ADAMTS2: variants seen among roughly 807,000 people sequenced by gnomAD.
ADAMTS2 encodes A disintegrin and metalloproteinase with thrombospondin motifs 2.
In ADAMTS2, 50 loss-of-function variants were observed where a neutral mutation model predicts 123.0. The observed-to-expected ratio is 0.41, with a 90% CI of 0.32 to 0.51. ADAMTS2 has a LOEUF of 0.51. ADAMTS2 is among the 20% of genes least tolerant of loss of function. The pLI, the probability that ADAMTS2 is intolerant of heterozygous loss-of-function variation, is 0.35. For synonymous variants in ADAMTS2, 678 were observed against 695.4 expected, an observed-to-expected ratio of 0.98 and a Z score of 0.39; for missense variants, 1,494 against 1,705.2, an observed-to-expected ratio of 0.88 and a Z score of 2.18.
At chr5:179,133,726 CTTTT>C (rs58209465) in intron 13 of ADAMTS2, among the ~76,000 whole-genome samples, 2 of 144,600 alleles carry the variant, frequency 1.4e-5, no homozygotes, top group East Asian at 4.0e-4. Context: ...TTAACCTATT[CTTTT>C]TTTTTTTTTG....
chr5:179,265,009 G>A (rs1304644740), intron 3 of ADAMTS2, among the ~76,000 whole-genome samples: 3 of 152,174 alleles, frequency 2.0e-5, no homozygotes, highest in African/African-American at 7.2e-5. Flanking sequence ...ACTGACCCCT[G>A]CACCAACAGC....
chr5:179,191,455 G>C (rs1267952581), intron 4 of ADAMTS2, among the ~76,000 whole-genome samples: 5 of 152,164 alleles, frequency 3.3e-5, no homozygotes, highest in African/African-American at 1.2e-4. Context: ...GGGTCCGTTT[G>C]AGCACCACCA....
Position 179,179,105 on chromosome 5 carries a change from C to T in ADAMTS2, c.975+1967G>A, listed in dbSNP as rs765913738. Among the ~76,000 whole-genome samples the T allele has an allele frequency of 1.3e-3, 197 of 152,098 alleles. 4 individuals carry two copies. Among genetic ancestry groups the T allele is most frequent in the Non-Finnish European group, 1.5e-3 (105 of 68,024 alleles). On this transcript the variant is annotated intron_variant, in intron 5 of 21. Coordinates refer to ENST00000251582, the MANE Select transcript of ADAMTS2 (RefSeq NM_014244.5). ...GACTACAGGCACATGCCACCACACC[C>T]GGCTAATTTTTGTATTTTTTTGGTA... is the stretch of plus-strand genomic sequence containing the variant.
At chr5:179,329,114 T>G (rs564086278) in intron 2 of ADAMTS2, among the ~76,000 whole-genome samples, 208 of 152,090 alleles carry the variant, frequency 1.4e-3, no homozygotes, top group Middle Eastern at 6.8e-3. Flanking sequence ...GATCACGAGG[T>G]CAGGAGATGG....
chr5:179,194,913 A>G (rs1171247352), intron 4 of ADAMTS2, among the ~76,000 whole-genome samples: 2 of 152,144 alleles, frequency 1.3e-5, no homozygotes, highest in African/African-American at 4.8e-5. Flanking sequence ...TAGACCACAA[A>G]TCAACCTCGC....
At chr5:179,274,173 G>T (rs1336699585) in intron 2 of ADAMTS2, among the ~76,000 whole-genome samples, 2 of 151,882 alleles carry the variant, frequency 1.3e-5, no homozygotes, top group African/African-American at 2.4e-5. Context: ...GCACCATCAG[G>T]TCCACCCATC....
Position 179,228,532 on chromosome 5 carries a change from G to A in ADAMTS2, c.689-20817C>T, listed in dbSNP as rs1765338619. Among the ~76,000 whole-genome samples, 1 of 152,240 alleles carries A rather than the reference G, an allele frequency of 6.6e-6. No individual in the cohort carries two copies. Among genetic ancestry groups the A allele is most frequent in the African/African-American group, 2.4e-5 (1 of 41,478 alleles). Reference sequence around the variant, plus strand: ...CCAGTGTGGGTGTGAAGCGGAAGGAGACTCTGCAGCAAGGCCCAGCTCTTA... The same window carrying A: ...CCAGTGTGGGTGTGAAGCGGAAGGAAACTCTGCAGCAAGGCCCAGCTCTTA... On this transcript the variant is annotated intron_variant, in intron 3 of 21. Transcript: ENST00000251582. The surrounding 1 kb of genome is among the most constrained non-coding windows in gnomAD (Gnocchi z 5.2).
chr5:179,218,320 G>C (rs756829576), intron 3 of ADAMTS2, among the ~76,000 whole-genome samples: 11 of 152,228 alleles, frequency 7.2e-5, no homozygotes, highest in Non-Finnish European at 1.5e-4. Context: ...AACCAAGAGA[G>C]AGTCGCTCTG....
rs1037645964 is a variant in ADAMTS2, at chr5:179,307,407, G to A, written c.535-34343C>T. ...ATGACACAGAAGCAGCTCTGCCCAT[G>A]AGCATTCAACAGCCCGGTCCGGGGG... is the stretch of plus-strand genomic sequence containing the variant. On this transcript the variant is annotated intron_variant, in intron 2 of 21. Coordinates refer to ENST00000251582, the MANE Select transcript of ADAMTS2 (RefSeq NM_014244.5). This position sits in a 1 kb window ranked among gnomAD's most constrained non-coding sequence, Gnocchi z 5.6. Among the ~76,000 whole-genome samples, 11 of 152,222 alleles carry A rather than the reference G, an allele frequency of 7.2e-5. No individual in the cohort carries two copies. In the South Asian group the frequency reaches 2.1e-3, roughly 29 times the overall value.
chr5:179,328,614 G>C (rs1349024258), intron 2 of ADAMTS2, among the ~76,000 whole-genome samples: 2 of 152,180 alleles, frequency 1.3e-5, no homozygotes, highest in Non-Finnish European at 2.9e-5. Context: ...TTCTCCCTGG[G>C]AATAAAGATG....
chr5:179,159,934 A>G (rs1763563176), intron 5 of ADAMTS2, among the ~76,000 whole-genome samples: 1 of 152,192 alleles, frequency 6.6e-6, no homozygotes, highest in South Asian at 2.1e-4. Context: ...CAATCCTCAC[A>G]GCAGGCATTT....
At chr5:179,294,114 G>A (rs867054486) in intron 2 of ADAMTS2, among the ~76,000 whole-genome samples, 26 of 151,954 alleles carry the variant, frequency 1.7e-4, no homozygotes, top group Admixed American at 8.5e-4. Context: ...AAATTAGCTG[G>A]GTGTGGTGGT....
At position 179,319,950 on chromosome 5, in the gene ADAMTS2, T is replaced by C. The variant is rs1261450720; in HGVS notation, c.534+23817A>G. Among the ~76,000 whole-genome samples the C allele has an allele frequency of 2.0e-5, 3 of 152,228 alleles. 1 individual carries two copies. The highest frequency in any genetic ancestry group is 1.3e-4 in the Admixed American group (2 of 15,288). ...GACTCCTAATGTAGGAAGACTGCCC[T>C]GCCTGATCTCAAGGCTTGCTTCTCT... On this transcript the variant is annotated intron_variant, in intron 2 of 21. Coordinates refer to ENST00000251582, the MANE Select transcript of ADAMTS2 (RefSeq NM_014244.5).
intron 2 of ADAMTS2, among the ~76,000 whole-genome samples, chr5:179,329,109 C>T (rs560186544): frequency 1.0e-3 from 153 of 152,110 alleles, no homozygotes; most frequent in Admixed American, 1.8e-3. Flanking sequence ...GGGCGGATCA[C>T]GAGGTCAGGA....
chr5:179,212,757 C>G (rs1473117023), intron 3 of ADAMTS2, among the ~76,000 whole-genome samples: 1 of 105,262 alleles, frequency 9.5e-6, no homozygotes, highest in East Asian at 2.8e-4. Context: ...GGCCTGAGGG[C>G]GGGTGCAGTG....
At chr5:179,201,642 A>T in intron 4 of ADAMTS2, among the ~76,000 whole-genome samples, 1 of 150,044 alleles carries the variant, frequency 6.7e-6, no homozygotes, top group Non-Finnish European at 1.5e-5. Flanking sequence ...AAAAAAAAAA[A>T]AAAAAAAAAA....
In ADAMTS2 at chr5:179,127,982, G is replaced by T; in HGVS notation, c.2594C>A (p.Pro865Gln). The change falls in exon 17 of 22, where the codon CCG becomes CAG. Residue 865 changes from proline to glutamine, a missense_variant. Pro to Gln is a moderately conservative substitution (Grantham distance 76). Around this residue, in one of 6 missense-constraint regions of ADAMTS2, gnomAD observed 953 missense variants for 1,124.7 expected, o/e 0.85. Transcript: ENST00000251582. ...VYEWALKKWS[P>Q]CSKPCGGGSQ... Reference sequence around the variant, plus strand: ...ACCTCCGCCACAGGGCTTGGAGCACGGAGACCACTTCTTCAGGGCCCACTC... The same window carrying T: ...ACCTCCGCCACAGGGCTTGGAGCACTGAGACCACTTCTTCAGGGCCCACTC... 6.2e-7 allele frequency: 1 copy of T among 1,613,912 alleles called. No individual in the cohort carries two copies. Among genetic ancestry groups the T allele is most frequent in the Non-Finnish European group, 8.5e-7 (1 of 1,180,036 alleles).
At chr5:179,227,772 G>C (rs1036044457) in intron 3 of ADAMTS2, among the ~76,000 whole-genome samples, 10 of 152,164 alleles carry the variant, frequency 6.6e-5, no homozygotes, top group Admixed American at 6.5e-4. Context: ...CTGTGCCAAG[G>C]AGGGAGGGCC....
At chr5:179,174,029 A>C (rs1763884480) in intron 5 of ADAMTS2, among the ~76,000 whole-genome samples, 1 of 151,420 alleles carries the variant, frequency 6.6e-6, no homozygotes, top group African/African-American at 2.4e-5. Flanking sequence ...AAAAAAAAAA[A>C]GAAAGAAAAA....
Sources: allele counts gnomAD v4.1 joint callset (sites outside exome capture counted in the v4.1 genomes callset), GRCh38; gene constraint gnomAD v4.1.1; regional missense constraint gnomAD v4.1.1; non-coding constraint Gnocchi (gnomAD v3.1); transcripts MANE v1.5; gene names NCBI Gene and HGNC (gene_info 2026-07-23, HGNC 2026-07-21).